TXNDC8: variants seen among roughly 807,000 people sequenced by gnomAD.
TXNDC8 encodes the protein thioredoxin domain containing 8, also known as thioredoxin domain-containing protein 8.
A neutral mutation model predicts 12.9 loss-of-function variants in TXNDC8; 15 were observed. That is an observed-to-expected ratio of 1.16 (90% CI 0.78 to 1.79). The LOEUF (loss-of-function observed/expected upper bound fraction) is 1.79, where lower values mean the gene tolerates loss of function less well. TXNDC8 is among the 40% of genes most tolerant of loss of function. The pLI is 0.00. For synonymous variants in TXNDC8, 40 were observed against 35.4 expected, an observed-to-expected ratio of 1.13 and a Z score of -0.46; for missense variants, 128 against 113.2, an observed-to-expected ratio of 1.13 and a Z score of -0.59.
intron 3 of TXNDC8, chr9:110,322,502 T>C (rs924753973): frequency 4.1e-6 from 4 of 985,426 alleles, no homozygotes; most frequent in East Asian, 1.1e-4. Flanking sequence ...CCCCAGCTTA[T>C]TGAGGGCACT....
In TXNDC8 at chr9:110,334,889, T is replaced by A. The variant is rs889056840; in HGVS notation, c.25-569A>T. On this transcript the variant is annotated intron_variant, in intron 1 of 4. Transcript: ENST00000423740. ...CACACCTTGAGTAATTTCTTGTTTT[T>A]TGGGGGGGAAGTGATCATTATTACA... 3.0e-5 allele frequency among the ~76,000 whole-genome samples: 4 copies of A among 132,032 alleles called. No individual in the cohort carries two copies. The East Asian group carries it at 5.8e-4, about 19-fold the overall frequency. 86.6% of individuals were successfully genotyped at this position (132,032 alleles called of 152,430 possible). A position where few individuals can be genotyped will look rare whatever the true frequency, so the allele number is the denominator to read the frequency against.
chr9:110,305,959 C>T (rs1381974772), intron 3 of TXNDC8, among the ~76,000 whole-genome samples: 1 of 151,820 alleles, frequency 6.6e-6, no homozygotes, highest in African/African-American at 2.4e-5. Flanking sequence ...ACTGCAACCT[C>T]AGCTCACTGC....
At chr9:110,305,832 TTTTCCTTTC>T (rs1838447299) in intron 3 of TXNDC8, among the ~76,000 whole-genome samples, 3 of 132,640 alleles carry the variant, frequency 2.3e-5, no homozygotes, top group Admixed American at 8.6e-5. Context: ...CTTTCCTTTC[TTTTCCTTTC>T]TTTTCTTTTC....
chr9:110,337,862 C>G lies in TXNDC8; in HGVS notation c.-66G>C. The stretch of plus-strand genomic sequence containing the variant: ...TTAGTTGGATCACTGTAGCTGTCTC[C>G]TATTTATTACAGTATCCTGCCTGGA... On this transcript the variant is annotated 5_prime_UTR_variant, in exon 1 of 5. Coordinates refer to ENST00000423740, the MANE Select transcript of TXNDC8 (RefSeq NM_001286946.2). 1 of 1,460,918 alleles carries G rather than the reference C, an allele frequency of 6.8e-7. No individual in the cohort carries two copies. The highest frequency in any genetic ancestry group is 9.6e-7 in the Non-Finnish European group (1 of 1,045,268). 90.5% of individuals were successfully genotyped at this position (1,460,918 alleles called of 1,614,324 possible).
chr9:110,306,973 G>A (rs10435859), intron 3 of TXNDC8, among the ~76,000 whole-genome samples: 17,659 of 151,806 alleles, frequency 0.12, 1,133 homozygotes, highest in African/African-American at 0.17. Context: ...ATGAGGTCTC[G>A]CTCTGTCACC....
intron 3 of TXNDC8, among the ~76,000 whole-genome samples, chr9:110,311,121 G>C (rs949593640): frequency 6.6e-6 from 1 of 152,144 alleles, no homozygotes; most frequent in Non-Finnish European, 1.5e-5. Context: ...TTAGAAGCAT[G>C]ATAGATTCAG....
chr9:110,324,460 T>C (rs1839228359), intron 3 of TXNDC8, among the ~76,000 whole-genome samples: 1 of 152,234 alleles, frequency 6.6e-6, no homozygotes, highest in African/African-American at 2.4e-5. Context: ...ATGTTTTCAT[T>C]CTTTACACTG....
At chr9:110,320,449 C>A (rs2118800296) in intron 3 of TXNDC8, among the ~76,000 whole-genome samples, 1 of 152,190 alleles carries the variant, frequency 6.6e-6, no homozygotes, top group South Asian at 2.1e-4. Context: ...TTGAGGCCTC[C>A]CTGGTCATGT....
At chr9:110,305,487 G>C (rs1269713045) in intron 3 of TXNDC8, among the ~76,000 whole-genome samples, 6 of 151,798 alleles carry the variant, frequency 4.0e-5, no homozygotes, top group Non-Finnish European at 8.8e-5. Flanking sequence ...TGGGATTGTG[G>C]GTTCTGCTTC....
intron 3 of TXNDC8, chr9:110,322,448 C>T (rs960992495): frequency 1.0e-6 from 1 of 985,204 alleles, no homozygotes; most frequent in African/African-American, 1.7e-5. Context: ...GATACATATC[C>T]ATTAGAGACC....
At position 110,311,062 on chromosome 9, in the gene TXNDC8, C is replaced by G. The variant is rs911141609; in HGVS notation, c.196-6530G>C. Among the ~76,000 whole-genome samples the G allele has an allele frequency of 5.9e-5, 9 of 152,192 alleles. No individual in the cohort carries two copies. In the East Asian group the frequency reaches 1.7e-3, roughly 29 times the overall value. The stretch of plus-strand genomic sequence containing the variant: ...GCTAAGCTATAAACTAAGTTCCTCC[C>G]AAAGTTAGTTTGGCCTATGCCCAGG... On this transcript the variant is annotated intron_variant, in intron 3 of 4. Transcript: ENST00000423740.
At chr9:110,316,129 G>C (rs1218293837) in intron 3 of TXNDC8, among the ~76,000 whole-genome samples, 3 of 148,996 alleles carry the variant, frequency 2.0e-5, no homozygotes, top group African/African-American at 7.4e-5. Context: ...CTGCTAGGCT[G>C]GTCTCGAACA....
intron 3 of TXNDC8, among the ~76,000 whole-genome samples, chr9:110,311,650 T>C (rs1428633337): frequency 2.2e-5 from 3 of 135,424 alleles, no homozygotes; most frequent in African/African-American, 8.0e-5. Context: ...ACTATATATA[T>C]ATATGGATAT....
chr9:110,329,597 G>A (rs1373596513), intron 2 of TXNDC8, among the ~76,000 whole-genome samples: 1 of 152,188 alleles, frequency 6.6e-6, no homozygotes, highest in Non-Finnish European at 1.5e-5. Flanking sequence ...TACTTTGTGG[G>A]GTGGAGGAAG....
intron 3 of TXNDC8, among the ~76,000 whole-genome samples, chr9:110,316,401 T>C (rs1334610168): frequency 1.3e-5 from 2 of 152,138 alleles, no homozygotes; most frequent in African/African-American, 4.8e-5. Flanking sequence ...TCTGGGCCCC[T>C]TTCTCTGACT....
At chr9:110,323,929 C>T (rs1411455591) in intron 3 of TXNDC8, 2 of 1,550,990 alleles carry the variant, frequency 1.3e-6, no homozygotes, top group Non-Finnish European at 1.7e-6. Context: ...CTTGGATTGG[C>T]TTGACTGGAG....
chr9:110,326,923 C>T (rs1186832197), intron 2 of TXNDC8, among the ~76,000 whole-genome samples: 2 of 142,714 alleles, frequency 1.4e-5, no homozygotes, highest in African/African-American at 5.3e-5. Context: ...CATTAAATCT[C>T]TTGCCCTGCT....
chr9:110,320,397 A>G (rs925165272), intron 3 of TXNDC8, among the ~76,000 whole-genome samples: 3 of 152,198 alleles, frequency 2.0e-5, no homozygotes, highest in African/African-American at 7.2e-5. Flanking sequence ...CTGCCATCAT[A>G]TAAGACATCC....
intron 1 of TXNDC8, 140 bp downstream of exon 1, chr9:110,337,633 G>T: frequency 1.3e-6 from 1 of 769,280 alleles, no homozygotes; most frequent in Non-Finnish European, 2.1e-6. Flanking sequence ...ACAAGATAAA[G>T]AACAAGAATT....
Sources: allele counts gnomAD v4.1 joint callset (sites outside exome capture counted in the v4.1 genomes callset), GRCh38; gene constraint gnomAD v4.1.1; transcripts MANE v1.5; gene names NCBI Gene and HGNC (gene_info 2026-07-23, HGNC 2026-07-21).